Variants in PSMD5 observed in about 807,000 individuals in gnomAD.
PSMD5 encodes 26S proteasome non-ATPase regulatory subunit 5.
In PSMD5, 40 loss-of-function variants were observed where a neutral mutation model predicts 52.1. The ratio of observed to expected loss-of-function variants is 0.77; its 90% CI spans 0.60 to 1.00. The LOEUF is 1.00. Ranked by LOEUF, PSMD5 falls within the 50% of genes least tolerant of loss-of-function variation. PSMD5 has a pLI of 0.00. For synonymous variants in PSMD5, 211 were observed against 226.6 expected (o/e 0.93, Z 0.62); for missense variants, 575 against 605.2 (o/e 0.95, Z 0.52).
At chr9:120,829,054 C>A in intron 5 of PSMD5, 45 bp downstream of exon 5, 1 of 1,496,006 alleles carries the variant, frequency 6.7e-7, no homozygotes, top group South Asian at 1.3e-5. Flanking sequence ...TGTTTCCCAG[C>A]CCTTCAAAAG....
At chr9:120,839,847 G>A (rs2045222049) in intron 1 of PSMD5, among the ~76,000 whole-genome samples, 1 of 140,756 alleles carries the variant, frequency 7.1e-6, no homozygotes. Flanking sequence ...TGGGCGCAGT[G>A]GCTCATGCCT....
intron 6 of PSMD5, among the ~76,000 whole-genome samples, chr9:120,826,393 T>G (rs1346521507): frequency 1.3e-5 from 2 of 152,226 alleles, no homozygotes; most frequent in African/African-American, 4.8e-5. Flanking sequence ...GATAGATTCC[T>G]TCTATACTTT....
chr9:120,824,593 T>C lies in PSMD5; in HGVS notation c.907A>G (p.Met303Val). 6.2e-7 allele frequency: 1 copy of C among 1,614,212 alleles called. No homozygotes were observed. Among genetic ancestry groups the C allele is most frequent in the Non-Finnish European group, 8.5e-7 (1 of 1,180,032 alleles). The change falls in exon 7 of 10, where the codon ATG becomes GTG. Residue 303 changes from methionine (M) to valine (V), a missense_variant. Physicochemically the swap from Met to Val is conservative, Grantham distance 21. Transcript: ENST00000210313. Reference sequence around the variant, plus strand: ...ATAGTGGGGTCCTGACTTTCTATCATTTCAAAGACTTTTTCCACAAAGATA... The same window carrying C: ...ATAGTGGGGTCCTGACTTTCTATCACTTCAAAGACTTTTTCCACAAAGATA... The part of the protein sequence containing the change: ...YPIFVEKVFE[M>V]IESQDPTMIG...
chr9:120,820,888 C>T lies in PSMD5; in HGVS notation c.1208G>A (p.Ser403Asn). The T allele has an allele frequency of 9.3e-6, 15 of 1,608,096 alleles. No individual in the cohort carries two copies. The highest frequency in any genetic ancestry group is 1.3e-5 in the Non-Finnish European group (15 of 1,178,530). ...RDPLELFRGISSQPFPELHCA... is the reference protein window; with the variant it reads ...RDPLELFRGINSQPFPELHCA... ...GTGTAGTTCAGGGAAGGGCTGACTA[C>T]TAATGCCACGGAAGAGCTCCAGTGG... The change falls in exon 9 of 10, where the codon AGT becomes AAT. Residue 403 changes from serine to asparagine, a missense_variant. Coordinates refer to ENST00000210313, the MANE Select transcript of PSMD5 (RefSeq NM_005047.4).
At chr9:120,829,260 C>T (rs540368827) in intron 4 of PSMD5, 52 bp from the exon 5 acceptor site, 281 of 1,464,772 alleles carry the variant, frequency 1.9e-4, no homozygotes, top group Non-Finnish European at 2.4e-4. Context: ...ATCAGCCCTA[C>T]GCCTGATAGA....
chr9:120,819,388 C>T (rs1412097510), intron 9 of PSMD5, among the ~76,000 whole-genome samples: 1 of 152,190 alleles, frequency 6.6e-6, no homozygotes, highest in Non-Finnish European at 1.5e-5. Context: ...TTATCCCAAC[C>T]AGTAAATAGA....
rs747410562 is a variant in PSMD5 at position 120,817,876 on chromosome 9, C to T, written c.*30G>A. On this transcript the variant is annotated 3_prime_UTR_variant, in exon 10 of 10. Coordinates refer to ENST00000210313, the MANE Select transcript of PSMD5 (RefSeq NM_005047.4). ...GCCTTAGGAGAAGTTTTGGTCAAAA[C>T]GTGGTCCTCTACATGAGCTCTAGAA... The T allele has an allele frequency of 1.9e-6, 3 of 1,580,070 alleles. No homozygotes were observed. Among genetic ancestry groups the T allele is most frequent in the East Asian group, 2.3e-5 (1 of 44,346 alleles).
Position 120,820,918 on chromosome 9 carries a change from C to T in PSMD5, c.1178G>A (p.Arg393Gln), listed in dbSNP as rs761674669. ...GCCACGGAAGAGCTCCAGTGGATCC[C>T]GAGATAAAGAAGAAAACCAGGATTC... ...MTESWFSSLS[R>Q]DPLELFRGIS... is the part of the protein sequence containing the mutation. Residue 393 changes from arginine to glutamine, a missense_variant, in exon 9 of 10, where the codon CGG becomes CAG. Transcript: ENST00000210313. 5.6e-6 allele frequency: 9 copies of T among 1,609,172 alleles called. No individual in the cohort carries two copies. The highest frequency in any genetic ancestry group is 2.2e-5 in the East Asian group (1 of 44,720).
At chr9:120,832,588 G>A (rs937726998) in intron 2 of PSMD5, among the ~76,000 whole-genome samples, 1 of 152,062 alleles carries the variant, frequency 6.6e-6, no homozygotes, top group African/African-American at 2.4e-5. Flanking sequence ...TAGAGACAGG[G>A]TTTCACCATG....
intron 1 of PSMD5, among the ~76,000 whole-genome samples, chr9:120,834,044 A>C (rs2045181651): frequency 7.3e-6 from 1 of 137,304 alleles, no homozygotes; most frequent in South Asian, 2.3e-4. Flanking sequence ...CAGTGGCACG[A>C]TCTCTGCTCA....
intron 5 of PSMD5, among the ~76,000 whole-genome samples, chr9:120,827,371 G>A (rs183042125): frequency 1.9e-4 from 29 of 152,132 alleles, no homozygotes; most frequent in Admixed American, 1.9e-3. Context: ...ATTTACCCCT[G>A]CATACTTTAG....
intron 1 of PSMD5, among the ~76,000 whole-genome samples, chr9:120,836,473 T>C (rs1161371957): frequency 6.6e-6 from 1 of 151,666 alleles, no homozygotes; most frequent in African/African-American, 2.4e-5. Flanking sequence ...CTTGGCTCAC[T>C]GCAACCTCCA....
intron 7 of PSMD5, among the ~76,000 whole-genome samples, chr9:120,822,695 CCTAG>C (rs1354157812): frequency 6.6e-6 from 1 of 151,998 alleles, no homozygotes; most frequent in Non-Finnish European, 1.5e-5. Context: ...TGCCATCACA[CCTAG>C]CTAATTTTTG....
intron 7 of PSMD5, among the ~76,000 whole-genome samples, chr9:120,822,247 C>G (rs2045090559): frequency 6.6e-6 from 1 of 152,082 alleles, no homozygotes; most frequent in South Asian, 2.1e-4. Context: ...GTCAGAGAAC[C>G]AGTGACAGGC....
intron 9 of PSMD5, 103 bp downstream of exon 9, chr9:120,820,736 C>A: frequency 8.5e-7 from 1 of 1,171,354 alleles, no homozygotes; most frequent in Non-Finnish European, 1.2e-6. Context: ...CTATACTATG[C>A]ACTTGTGCAT....
chr9:120,829,208 G>C lies in PSMD5; in HGVS notation c.562C>G (p.Leu188Val), dbSNP rs1026114769. The change falls in exon 5 of 10, where the codon CTA becomes GTA. Residue 188 changes from leucine to valine, a missense_variant and splice_region_variant. Transcript: ENST00000210313. ...GACACGGAAGAAATCTCTATAATTA[G>C]CTGAAATAAAAAAAAAAACACAGAA... is the stretch of plus-strand genomic sequence containing the variant. ...NDIVRYRVYE[L>V]IIEISSVSPE... 10 of 1,569,838 alleles carry C rather than the reference G, an allele frequency of 6.4e-6. No individual in the cohort carries two copies. Among genetic ancestry groups the C allele is most frequent in the Non-Finnish European group, 7.7e-6 (9 of 1,162,112 alleles).
intron 7 of PSMD5, 114 bp from the exon 8 acceptor site, chr9:120,821,578 C>T: frequency 1.7e-6 from 1 of 604,908 alleles, no homozygotes; most frequent in Non-Finnish European, 2.6e-6. Flanking sequence ...TACATTCACA[C>T]TGTTGGGCAA....
chr9:120,840,912 C>T (rs886688611), intron 1 of PSMD5, among the ~76,000 whole-genome samples: 6 of 152,218 alleles, frequency 3.9e-5, no homozygotes, highest in African/African-American at 1.4e-4. Context: ...GCCACCGTGC[C>T]TGGCCTAACT....
Position 120,817,940 on chromosome 9 carries a change from G to C in PSMD5, c.1481C>G (p.Pro494Arg). 6.2e-7 allele frequency: 1 copy of C among 1,614,106 alleles called. No individual in the cohort carries two copies. The highest frequency in any genetic ancestry group is 2.2e-5 in the East Asian group (1 of 44,876). The change falls in exon 10 of 10, where the codon CCT becomes CGT. Residue 494 changes from proline to arginine, a missense_variant. Physicochemically the swap from Pro to Arg is moderately radical, Grantham distance 103. Transcript: ENST00000210313. Reference sequence around the variant, plus strand: ...TCCTTCTACTGCTGTCGTGGAAACAGGTTTCACATAGTATGGCCCTTCACT... The same window carrying C: ...TCCTTCTACTGCTGTCGTGGAAACACGTTTCACATAGTATGGCCCTTCACT... ...YLSEGPYYVK[P>R]VSTTAVEGAE
Sources: allele counts gnomAD v4.1 joint callset (sites outside exome capture counted in the v4.1 genomes callset), GRCh38; gene constraint gnomAD v4.1.1; transcripts MANE v1.5; gene names NCBI Gene and HGNC (gene_info 2026-07-23, HGNC 2026-07-21).